The following CDK12 variants were observed in gnomAD, a reference collection of about 807,000 sequenced individuals.
The protein encoded by CDK12 is cyclin-dependent kinase 12.
CDK12 carries 17 observed loss-of-function variants against 133.8 expected under a neutral mutation model. That is an observed-to-expected ratio of 0.13 (90% CI 0.09 to 0.19). The LOEUF (loss-of-function observed/expected upper bound fraction) is 0.19. Among genes scored for constraint, CDK12 ranks in the 10% least tolerant of loss-of-function variants. The pLI, the probability that CDK12 is intolerant of heterozygous loss-of-function variation, is 1.00. For missense variants in CDK12, 1,508 were observed against 1,818.7 expected, an observed-to-expected ratio of 0.83 and a Z score of 3.11; for synonymous variants, 694 against 683.6, an observed-to-expected ratio of 1.02 and a Z score of -0.24.
intron 4 of CDK12, 69 bp from the exon 5 acceptor site, chr17:39,494,453 CAT>C: frequency 8.0e-7 from 1 of 1,252,496 alleles, no homozygotes; most frequent in South Asian, 1.3e-5. Context: ...AGAGCAAGGG[CAT>C]ATATTGCTGG....
At chr17:39,524,960 T>TTG in intron 12 of CDK12, 75 bp downstream of exon 12, 1 of 1,276,134 alleles carries the variant, frequency 7.8e-7, no homozygotes, top group Non-Finnish European at 1.1e-6. Context: ...TGTAAGGAGT[T>TTG]TGTGTGTGTG....
Position 39,462,974 on chromosome 17 carries a change from T to C in CDK12, c.903T>C (p.Ser301=). ...GCCCCTACAGTAGGCGACAGAGATC[T>C]GTCAGTCCCTATAGCAGGAGACGGT... ...SPSPYSRRQR[S]VSPYSRRRSS... Residue 301 remains serine (S), a synonymous_variant, in exon 1 of 14, where the codon TCT becomes TCC. Transcript: ENST00000447079. 6.2e-7 allele frequency: 1 copy of C among 1,614,084 alleles called. No homozygotes were observed. The highest frequency in any genetic ancestry group is 8.5e-7 in the Non-Finnish European group (1 of 1,180,002).
chr17:39,487,383 T>A (rs2051216662), intron 2 of CDK12, among the ~76,000 whole-genome samples: 1 of 152,172 alleles, frequency 6.6e-6, no homozygotes, highest in Admixed American at 6.6e-5. Flanking sequence ...AGATAGATCT[T>A]TGTGGTCTAG....
At chr17:39,497,891 C>T (rs1355781377) in intron 5 of CDK12, among the ~76,000 whole-genome samples, 1 of 152,082 alleles carries the variant, frequency 6.6e-6, no homozygotes, top group East Asian at 1.9e-4. Flanking sequence ...GAACTTGGGC[C>T]ACCGCACCCA....
At chr17:39,553,263 C>A (rs1296695306) in intron 2 of CDK12, among the ~76,000 whole-genome samples, 1 of 152,100 alleles carries the variant, frequency 6.6e-6, no homozygotes, top group African/African-American at 2.4e-5. Flanking sequence ...AACCTCCCAT[C>A]TTGACACCTT....
intron 2 of CDK12, among the ~76,000 whole-genome samples, chr17:39,477,299 G>T (rs1036729112): frequency 6.8e-6 from 1 of 146,848 alleles, no homozygotes; most frequent in Non-Finnish European, 1.5e-5. Context: ...GTAGTGGCGC[G>T]ATCTTGGCTC....
At chr17:39,473,335 A>G (rs1030496878) in intron 2 of CDK12, among the ~76,000 whole-genome samples, 1 of 152,240 alleles carries the variant, frequency 6.6e-6, no homozygotes, top group Non-Finnish European at 1.5e-5. Flanking sequence ...TAATTAGAAT[A>G]TAATTCACAA....
At chr17:39,514,313 A>G (rs563257850) in intron 8 of CDK12, among the ~76,000 whole-genome samples, 2 of 152,358 alleles carry the variant, frequency 1.3e-5, no homozygotes, top group African/African-American at 4.8e-5. Flanking sequence ...TCTAACAGAA[A>G]AGTGCTACTT....
chr17:39,462,790 C>G lies in CDK12; in HGVS notation c.719C>G (p.Ala240Gly). Residue 240 changes from alanine to glycine, a missense_variant, in exon 1 of 14, where the codon GCT becomes GGT. Transcript: ENST00000447079. ...AAACAAGATGATAGCCCCTCGGGAG[C>G]TTCTTATGGCCAAGATTATGACCTT... Reference protein sequence around the residue: ...SSKQDDSPSGASYGQDYDLSP... With the variant: ...SSKQDDSPSGGSYGQDYDLSP... 1 of 1,614,176 alleles carries G rather than the reference C, an allele frequency of 6.2e-7. No homozygotes were observed. The highest frequency in any genetic ancestry group is 1.1e-5 in the South Asian group (1 of 91,086).
rs2054789809 is a variant in CDK12 at position 39,530,798 on chromosome 17, G to A, written c.3955G>A (p.Glu1319Lys). The change falls in exon 14 of 14, where the codon GAG (glutamate) becomes AAG (lysine). Residue 1319 changes from glutamate (E) to lysine (K), a missense_variant. Glu to Lys is a moderately conservative substitution (Grantham distance 56). This residue lies in a region of CDK12 where 399 missense variants were observed against 469.6 expected (regional missense o/e 0.85). Transcript: ENST00000447079. Reference protein sequence around the residue: ...EAEPPGHLPHEHQALRPMEYS... With the variant: ...EAEPPGHLPHKHQALRPMEYS... The stretch of plus-strand genomic sequence containing the variant: ...AGAGCCTCCTGGCCACCTGCCACAT[G>A]AGCACCAGGCCTTGAGACCAATGGA... 6.2e-7 allele frequency: 1 copy of A among 1,614,158 alleles called. No individual in the cohort carries two copies.
chr17:39,519,515 A>G (rs1343614464), intron 10 of CDK12, among the ~76,000 whole-genome samples: 8 of 151,348 alleles, frequency 5.3e-5, no homozygotes, highest in Non-Finnish European at 8.8e-5. Context: ...TCCTGGCCTC[A>G]AACGATCCAC....
At chr17:39,545,952 C>T (rs575553329), upstream of CDK12, among the ~76,000 whole-genome samples, 103 of 151,678 alleles carry the variant, frequency 6.8e-4, no homozygotes, top group African/African-American at 2.3e-3. Flanking sequence ...CCCGCCACCA[C>T]GCCTGGCTAA....
intron 1 of CDK12, among the ~76,000 whole-genome samples, chr17:39,463,919 T>C (rs1012514659): frequency 3.9e-5 from 6 of 152,140 alleles, no homozygotes; most frequent in African/African-American, 7.2e-5. Flanking sequence ...GGTAATGAGA[T>C]GTATCTCCTT....
At chr17:39,481,180 G>A (rs535721540) in intron 2 of CDK12, among the ~76,000 whole-genome samples, 115 of 151,602 alleles carry the variant, frequency 7.6e-4, no homozygotes, top group Non-Finnish European at 1.3e-3. Flanking sequence ...TTGAACTCGG[G>A]GGGCGGAGGT....
intron 2 of CDK12, among the ~76,000 whole-genome samples, chr17:39,473,902 G>A (rs2049994168): frequency 6.6e-6 from 1 of 150,462 alleles, no homozygotes; most frequent in African/African-American, 2.4e-5. Context: ...AAAAAAGAAA[G>A]AAAAATTAGC....
intron 11 of CDK12, among the ~76,000 whole-genome samples, chr17:39,523,469 C>G (rs767015151): frequency 6.6e-6 from 1 of 151,982 alleles, no homozygotes; most frequent in African/African-American, 2.4e-5. Flanking sequence ...GAGCAAGACT[C>G]TGTCTCAAAA....
chr17:39,536,151 C>T (rs1392341306), downstream of CDK12, among the ~76,000 whole-genome samples: 3 of 152,150 alleles, frequency 2.0e-5, no homozygotes, highest in Admixed American at 1.3e-4. Context: ...GTACTCCTTA[C>T]TGTACGCAAC....
chr17:39,550,666 A>G (rs2055916981), intron 1 of CDK12: 1 of 152,242 alleles, frequency 6.6e-6, no homozygotes, highest in Non-Finnish European at 1.5e-5. Flanking sequence ...TGGAGATTAC[A>G]TGCAAAATGG....
intron 3 of CDK12, among the ~76,000 whole-genome samples, chr17:39,558,565 G>T (rs1199811114): frequency 3.3e-5 from 5 of 152,084 alleles, no homozygotes; most frequent in African/African-American, 1.2e-4. Context: ...CCCCTATTTT[G>T]AATCATTTGG....
Sources: gnomAD v4.1 joint callset for allele counts (sites outside exome capture counted in the v4.1 genomes callset) on GRCh38, gnomAD v4.1.1 for gene constraint, gnomAD v4.1.1 regional missense constraint, MANE v1.5 for transcripts, NCBI Gene and HGNC (gene_info 2026-07-23, HGNC 2026-07-21) for gene names.